CPD: variants seen among roughly 807,000 people sequenced by gnomAD.
CPD encodes the protein carboxypeptidase D.
A neutral mutation model predicts 138.3 loss-of-function variants in CPD; 69 were observed. The observed-to-expected ratio is 0.50, with a 90% confidence interval of 0.41 to 0.61. The LOEUF is 0.61. Ranked by LOEUF, CPD falls within the 20% of genes least tolerant of loss-of-function variation. The probability of loss-of-function intolerance (pLI) is 0.00; values close to 1 mark genes in which losing one functional copy is unlikely to be tolerated. For missense variants in CPD, 1,432 were observed against 1,733.3 expected, an observed-to-expected ratio of 0.83 and a Z score of 3.09; for synonymous variants, 651 against 642.1, an observed-to-expected ratio of 1.01 and a Z score of -0.21.
intron 1 of CPD, among the ~76,000 whole-genome samples, chr17:30,381,427 A>C (rs1911042920): frequency 6.6e-6 from 1 of 152,164 alleles, no homozygotes; most frequent in Admixed American, 6.5e-5. Context: ...TTCTTGGTGC[A>C]AGTCGCCTTG....
rs757442695 is a variant in CPD, at chr17:30,443,866, C to T, written c.2438C>T (p.Thr813Ile). Residue 813 changes from threonine (T) to isoleucine (I), a missense_variant, in exon 11 of 21, where the codon ACC becomes ATC. Thr to Ile is a moderately conservative substitution (Grantham distance 89, BLOSUM62 -1). Transcript: ENST00000225719. Reference sequence around the variant, plus strand: ...GATGGCAGGGGTATATTAAATGCCACCATTAGTGTTGCTGAGATTAATCAC... The same window carrying T: ...GATGGCAGGGGTATATTAAATGCCATCATTAGTGTTGCTGAGATTAATCAC... ...ATDGRGILNATISVAEINHPV... is the reference protein window; with the variant it reads ...ATDGRGILNAIISVAEINHPV... 1 of 1,613,878 alleles carries T rather than the reference C, an allele frequency of 6.2e-7. No homozygotes were observed. Among genetic ancestry groups the T allele is most frequent in the Non-Finnish European group, 8.5e-7 (1 of 1,179,854 alleles).
intron 17 of CPD, among the ~76,000 whole-genome samples, chr17:30,457,730 T>C (rs1913338701): frequency 6.6e-6 from 1 of 151,924 alleles, no homozygotes; most frequent in Admixed American, 6.6e-5. Context: ...CTATGGCTCC[T>C]TCGCAGCTTA....
Position 30,449,614 on chromosome 17 carries a change from G to A in CPD, c.2935G>A (p.Val979Ile). The A allele has an allele frequency of 2.5e-6, 4 of 1,610,008 alleles. No homozygotes were observed. The highest frequency in any genetic ancestry group is 3.4e-6 in the Non-Finnish European group (4 of 1,179,106). ...WSLEISNKPN[V>I]SEPEEPKIRF... ...CCTTGAAATCTCCAATAAGCCCAAT[G>A]TATCTGAGCCTGAAGAACCAAAGAT... Residue 979 changes from valine (V) to isoleucine (I), a missense_variant, in exon 13 of 21, where the codon GTA becomes ATA. Coordinates refer to ENST00000225719, the MANE Select transcript of CPD (RefSeq NM_001304.5).
chr17:30,426,116 C>T (rs561210347), intron 6 of CPD, among the ~76,000 whole-genome samples: 150 of 149,860 alleles, frequency 1.0e-3, no homozygotes, highest in Non-Finnish European at 1.6e-3. Context: ...AGGAGAATGG[C>T]GTGAACCCAG....
Position 30,445,879 on chromosome 17 carries a change from C to G in CPD, c.2732C>G (p.Ala911Gly). The G allele has an allele frequency of 1.2e-6, 2 of 1,614,100 alleles. No homozygotes were observed. Among genetic ancestry groups the G allele is most frequent in the Non-Finnish European group, 1.7e-6 (2 of 1,179,996 alleles). The change falls in exon 12 of 21, where the codon GCG becomes GGG. Residue 911 changes from alanine (A) to glycine (G), a missense_variant. This residue lies in a region of CPD where 124 missense variants were observed against 117.0 expected (regional missense o/e 1.06). Coordinates refer to ENST00000225719, the MANE Select transcript of CPD (RefSeq NM_001304.5). ...GAAACTTTAATTAAAGACCTTTCAG[C>G]GGAGAATGGTTTGGAAAGCCTCATG... Reference protein sequence around the residue: ...EFETLIKDLSAENGLESLMLR... With the variant: ...EFETLIKDLSGENGLESLMLR...
chr17:30,463,278 A>G (rs990082593), intron 20 of CPD, among the ~76,000 whole-genome samples: 8 of 152,154 alleles, frequency 5.3e-5, no homozygotes, highest in Admixed American at 3.3e-4. Flanking sequence ...TAGCACTTTC[A>G]TAACATTATA....
chr17:30,410,593 T>A (rs570686850), intron 2 of CPD, among the ~76,000 whole-genome samples: 74 of 152,346 alleles, frequency 4.9e-4, no homozygotes, highest in Admixed American at 1.7e-3. Context: ...GTTGAATTGA[T>A]CCCTTTACCA....
Position 30,427,388 on chromosome 17 carries a change from C to G in CPD, c.1850-3C>G. 1 of 1,612,514 alleles carries G rather than the reference C, an allele frequency of 6.2e-7. No homozygotes were observed. On this transcript the variant is annotated splice_region_variant and splice_polypyrimidine_tract_variant and intron_variant, in intron 6 of 20. Coordinates refer to ENST00000225719, the MANE Select transcript of CPD (RefSeq NM_001304.5). ...TATTCAAATCCTTTATCATATCATA[C>G]AGGAGATTCAATAAGTGTAATTGGC...
At chr17:30,420,758 G>A (rs1912243103) in intron 2 of CPD, 83 bp from the exon 3 acceptor site, 7 of 1,281,228 alleles carry the variant, frequency 5.5e-6, no homozygotes, top group African/African-American at 1.5e-5. Context: ...TACATCCAGA[G>A]ATGGCTGATT....
intron 20 of CPD, 55 bp downstream of exon 20, chr17:30,462,524 A>G (rs891516002): frequency 1.0e-4 from 131 of 1,251,084 alleles, no homozygotes; most frequent in Non-Finnish European, 1.4e-4. Context: ...TGACATTTCA[A>G]TATGAGAGTG....
chr17:30,392,478 T>G (rs769379750), intron 2 of CPD, among the ~76,000 whole-genome samples: 9 of 152,232 alleles, frequency 5.9e-5, no homozygotes, highest in Non-Finnish European at 1.3e-4. Context: ...CTTTTAGTTG[T>G]GTATGTACAT....
intron 8 of CPD, among the ~76,000 whole-genome samples, chr17:30,437,530 C>T (rs1912734209): frequency 1.3e-5 from 2 of 151,880 alleles, no homozygotes; most frequent in East Asian, 3.9e-4. Context: ...ACAAAAAATA[C>T]AAAAATTAGC....
chr17:30,425,548 C>T (rs889233849), intron 6 of CPD, among the ~76,000 whole-genome samples: 14 of 151,166 alleles, frequency 9.3e-5, no homozygotes, highest in African/African-American at 3.2e-4. Context: ...TCCAGCTACT[C>T]GGGAGACTGA....
At chr17:30,458,799 A>C (rs1362418302) in intron 17 of CPD, among the ~76,000 whole-genome samples, 1 of 151,832 alleles carries the variant, frequency 6.6e-6, no homozygotes, top group East Asian at 1.9e-4. Flanking sequence ...CTGGGATGGG[A>C]AGATTGCGAA....
intron 1 of CPD, among the ~76,000 whole-genome samples, chr17:30,383,929 A>AT (rs35430689): frequency 5.3e-5 from 8 of 151,700 alleles, no homozygotes; most frequent in Non-Finnish European, 7.4e-5. Context: ...GGACTTTAGC[A>AT]TTTTTTTTGC....
chr17:30,423,834 C>A, intron 6 of CPD, 137 bp downstream of exon 6: 1 of 621,360 alleles, frequency 1.6e-6, no homozygotes, highest in Non-Finnish European at 2.6e-6. Context: ...GATTTTAGCT[C>A]TTGTATTCTT....
At chr17:30,441,608 T>C (rs1372222334) in intron 9 of CPD, among the ~76,000 whole-genome samples, 2 of 107,534 alleles carry the variant, frequency 1.9e-5, no homozygotes, top group African/African-American at 7.2e-5. Flanking sequence ...TTATTGAGAG[T>C]TTTTAGCATG....
intron 2 of CPD, among the ~76,000 whole-genome samples, chr17:30,407,343 G>T (rs1911828567): frequency 6.6e-6 from 1 of 152,088 alleles, no homozygotes; most frequent in Admixed American, 6.5e-5. Context: ...TAATAGGATC[G>T]CTGGGTCAAA....
At chr17:30,446,154 G>T in intron 12 of CPD, 134 bp downstream of exon 12, 1 of 659,492 alleles carries the variant, frequency 1.5e-6, no homozygotes. Context: ...TACTTATTTT[G>T]CAACATGTAT....
Sources: allele counts gnomAD v4.1 joint callset (sites outside exome capture counted in the v4.1 genomes callset), GRCh38; gene constraint gnomAD v4.1.1; regional missense constraint gnomAD v4.1.1; transcripts MANE v1.5; gene names NCBI Gene and HGNC (gene_info 2026-07-23, HGNC 2026-07-21).